Variants in GPC5 observed in about 807,000 individuals in gnomAD.
GPC5 encodes the protein glypican-5.
GPC5 carries 47 observed loss-of-function variants against 53.9 expected under a neutral mutation model. The observed-to-expected ratio is 0.87, with a 90% CI of 0.69 to 1.11. The LOEUF is 1.11. GPC5 is among the 50% of genes most tolerant of loss of function. The pLI is 0.00. For missense variants in GPC5, 748 were observed against 713.1 expected (o/e 1.05, Z -0.56); for synonymous variants, 286 against 263.3 (o/e 1.09, Z -0.84).
At position 92,369,326 on chromosome 13, in the gene GPC5, G is replaced by A. The variant is rs112434672; in HGVS notation, c.1561+224337G>A. Reference sequence around the variant, plus strand: ...TGCCTCCTGAGTAGCTGGGATTACAGGTGTGTGCTACCATGCCTGGCTAAT... The same window carrying A: ...TGCCTCCTGAGTAGCTGGGATTACAAGTGTGTGCTACCATGCCTGGCTAAT... On this transcript the variant is annotated intron_variant, in intron 7 of 7. Coordinates refer to ENST00000377067, the MANE Select transcript of GPC5 (RefSeq NM_004466.6). Among the ~76,000 whole-genome samples, 1,258 of 152,252 alleles carry A rather than the reference G, an allele frequency of 8.3e-3. 16 individuals carry two copies. Among genetic ancestry groups the A allele is most frequent in the African/African-American group, 0.028 (1,180 of 41,546 alleles).
intron 7 of GPC5, among the ~76,000 whole-genome samples, chr13:92,464,139 A>G (rs1327786059): frequency 6.6e-6 from 1 of 152,208 alleles, no homozygotes; most frequent in East Asian, 1.9e-4. Flanking sequence ...TATACAATTT[A>G]TCACTCAGAT....
At chr13:91,521,364 G>A (rs903923384) in intron 2 of GPC5, among the ~76,000 whole-genome samples, 4 of 152,170 alleles carry the variant, frequency 2.6e-5, no homozygotes, top group African/African-American at 9.7e-5. Flanking sequence ...ATCTTCTGGA[G>A]TGTGAGAGAG....
chr13:92,563,304 T>C (rs1221445669), intron 7 of GPC5, among the ~76,000 whole-genome samples: 1 of 152,044 alleles, frequency 6.6e-6, no homozygotes, highest in Admixed American at 6.6e-5. Flanking sequence ...AAAAAGCTAT[T>C]TTTGTGTTAA....
chr13:92,397,769 T>A (rs1875353206), intron 7 of GPC5, among the ~76,000 whole-genome samples: 1 of 152,172 alleles, frequency 6.6e-6, no homozygotes, highest in Non-Finnish European at 1.5e-5. Flanking sequence ...AAACAGCAAG[T>A]CATTCCTTTG....
intron 7 of GPC5, among the ~76,000 whole-genome samples, chr13:92,308,366 G>A (rs981998497): frequency 4.6e-5 from 7 of 152,106 alleles, no homozygotes; most frequent in African/African-American, 1.7e-4. Flanking sequence ...ATACTTAGAA[G>A]TGACATTTTG....
intron 6 of GPC5, among the ~76,000 whole-genome samples, chr13:92,113,393 A>G (rs1384938011): frequency 6.6e-6 from 1 of 152,146 alleles, no homozygotes; most frequent in East Asian, 1.9e-4. Flanking sequence ...TAAAGAATAT[A>G]TATTTGTGGA....
intron 7 of GPC5, among the ~76,000 whole-genome samples, chr13:92,195,474 T>C (rs566402519): frequency 5.3e-5 from 8 of 152,330 alleles, no homozygotes; most frequent in African/African-American, 1.9e-4. Flanking sequence ...TCTTACTGTA[T>C]GGCAAGTATT....
intron 2 of GPC5, among the ~76,000 whole-genome samples, chr13:91,672,812 G>A (rs1011082011): frequency 6.6e-6 from 1 of 152,134 alleles, no homozygotes; most frequent in African/African-American, 2.4e-5. Context: ...ATTTACAATA[G>A]CAAAGACATG....
At chr13:92,660,061 CA>C (rs1378134188) in intron 7 of GPC5, among the ~76,000 whole-genome samples, 2 of 152,192 alleles carry the variant, frequency 1.3e-5, no homozygotes, top group Non-Finnish European at 2.9e-5. Flanking sequence ...ATACTAACTA[CA>C]CTTTTCAAAT....
intron 7 of GPC5, 114 bp from the exon 8 acceptor site, chr13:92,866,168 T>C: frequency 1.3e-6 from 1 of 780,178 alleles, no homozygotes. Context: ...TAGGTGAACA[T>C]AGAGAATGGT....
intron 5 of GPC5, among the ~76,000 whole-genome samples, chr13:91,871,401 AC>A (rs1415269490): frequency 1.3e-5 from 2 of 152,090 alleles, no homozygotes; most frequent in Non-Finnish European, 2.9e-5. Context: ...ACCACTGGGT[AC>A]TGGGCTTAAT....
At chr13:91,411,318 C>T (rs778649525) in intron 1 of GPC5, among the ~76,000 whole-genome samples, 7 of 152,142 alleles carry the variant, frequency 4.6e-5, no homozygotes, top group East Asian at 3.9e-4. Flanking sequence ...TGTGTTCTTG[C>T]GTGTTGTAGT....
rs566164538 is a variant in GPC5 at position 91,962,306 on chromosome 13, T to G, written c.1401+54249T>G. Among the ~76,000 whole-genome samples, 205 of 152,272 alleles carry G rather than the reference T, an allele frequency of 1.3e-3. 2 individuals are homozygous for G. In the Middle Eastern group the frequency reaches 0.02, roughly 15 times the overall value. ...ATCCTTTTGCCATGAATACAGAATT[T>G]TATTGGAGAAATCCCAAAGTTTTTT... is the stretch of plus-strand genomic sequence containing the variant. On this transcript the variant is annotated intron_variant, in intron 6 of 7. Coordinates refer to ENST00000377067, the MANE Select transcript of GPC5 (RefSeq NM_004466.6).
chr13:92,293,422 CTTTTTTTTTTTT>C (rs748125673), intron 7 of GPC5, among the ~76,000 whole-genome samples: 25 of 77,274 alleles, frequency 3.2e-4, no homozygotes, highest in African/African-American at 8.4e-4. Context: ...TGGTTGGTTT[CTTTTTTTTTTTT>C]TTTTTTTTTT....
intron 6 of GPC5, among the ~76,000 whole-genome samples, chr13:92,056,195 C>T (rs1358952836): frequency 1.3e-5 from 2 of 152,144 alleles, no homozygotes; most frequent in East Asian, 1.9e-4. Flanking sequence ...CTCTTCCCTG[C>T]CTTATTCAGC....
intron 1 of GPC5, among the ~76,000 whole-genome samples, chr13:91,447,681 G>A (rs1194532882): frequency 1.3e-5 from 2 of 152,074 alleles, no homozygotes; most frequent in Admixed American, 1.3e-4. Context: ...ATGTGCATGC[G>A]TCTTGTGTGT....
At chr13:91,513,380 A>G (rs112113844) in intron 2 of GPC5, among the ~76,000 whole-genome samples, 3 of 141,504 alleles carry the variant, frequency 2.1e-5, no homozygotes, top group Admixed American at 1.4e-4. Flanking sequence ...GTGTGTGTGT[A>G]TTTAGTTGTG....
At chr13:91,885,302 T>C (rs2039310093) in intron 5 of GPC5, among the ~76,000 whole-genome samples, 1 of 152,264 alleles carries the variant, frequency 6.6e-6, no homozygotes, top group Admixed American at 6.5e-5. Context: ...CTTCTAATAA[T>C]GTTAACAGAG....
chr13:92,196,258 C>T (rs947544917), intron 7 of GPC5, among the ~76,000 whole-genome samples: 1 of 151,712 alleles, frequency 6.6e-6, no homozygotes, highest in Non-Finnish European at 1.5e-5. Flanking sequence ...AATTTTACAG[C>T]CATTTATGCT....
Sources: gnomAD v4.1 joint callset for allele counts (sites outside exome capture counted in the v4.1 genomes callset) on GRCh38, gnomAD v4.1.1 for gene constraint, MANE v1.5 for transcripts, NCBI Gene and HGNC (gene_info 2026-07-23, HGNC 2026-07-21) for gene names.